The following EDIL3 variants were observed in gnomAD, a reference collection of about 807,000 sequenced individuals.
EDIL3 encodes EGF-like repeat and discoidin I-like domain-containing protein 3.
A neutral mutation model predicts 67.4 loss-of-function variants in EDIL3; 37 were observed. That is an observed-to-expected ratio of 0.55 (90% CI 0.42 to 0.72). The LOEUF is 0.72. Among genes scored for constraint, EDIL3 ranks in the 30% least tolerant of loss-of-function variants. The pLI is 0.00. For missense variants in EDIL3, 527 were observed against 586.3 expected (o/e 0.90, Z 1.04); for synonymous variants, 195 against 196.3 (o/e 0.99, Z 0.05).
chr5:84,225,782 T>C (rs1744439953), intron 3 of EDIL3, among the ~76,000 whole-genome samples: 1 of 151,544 alleles, frequency 6.6e-6, no homozygotes, highest in South Asian at 2.1e-4. Context: ...CCTAGATTTG[T>C]CATACAATAT....
chr5:84,279,882 C>T (rs1327837097), intron 1 of EDIL3, among the ~76,000 whole-genome samples: 1 of 152,154 alleles, frequency 6.6e-6, no homozygotes, highest in Non-Finnish European at 1.5e-5. Flanking sequence ...TCCTTTATTG[C>T]CAATGGACTG....
intron 7 of EDIL3, among the ~76,000 whole-genome samples, chr5:84,066,137 C>T (rs549798114): frequency 2.7e-5 from 4 of 147,600 alleles, no homozygotes; most frequent in South Asian, 2.1e-4. Flanking sequence ...AAAAAAAGTG[C>T]GTTAATCACG....
chr5:84,188,969 T>A (rs957551300), intron 3 of EDIL3, among the ~76,000 whole-genome samples: 1 of 152,078 alleles, frequency 6.6e-6, no homozygotes, highest in Admixed American at 6.6e-5. Context: ...GGGTTCCTGG[T>A]ATACCTGAAT....
chr5:83,975,475 A>C (rs1395403819), intron 9 of EDIL3, among the ~76,000 whole-genome samples: 3 of 151,950 alleles, frequency 2.0e-5, no homozygotes, highest in Non-Finnish European at 4.4e-5. Context: ...AAAACTTCTC[A>C]AGTTATAGTT....
intron 2 of EDIL3, among the ~76,000 whole-genome samples, chr5:84,241,809 G>T (rs1473294230): frequency 6.6e-6 from 1 of 151,936 alleles, no homozygotes; most frequent in African/African-American, 2.4e-5. Context: ...ATTTCTGCAT[G>T]TAGCTTTAAA....
chr5:84,203,789 A>G (rs190924604), intron 3 of EDIL3, among the ~76,000 whole-genome samples: 1 of 152,342 alleles, frequency 6.6e-6, no homozygotes, highest in Admixed American at 6.5e-5. Context: ...ACATTCCTCT[A>G]AGGAAAAATT....
intron 1 of EDIL3, among the ~76,000 whole-genome samples, chr5:84,282,850 G>A (rs574243509): frequency 8.2e-4 from 125 of 152,072 alleles, no homozygotes; most frequent in Middle Eastern, 3.4e-3. Flanking sequence ...CTTTGAGGAA[G>A]GTGAAATATG....
intron 1 of EDIL3, among the ~76,000 whole-genome samples, chr5:84,311,327 T>A (rs1478599852): frequency 6.7e-6 from 1 of 148,236 alleles, no homozygotes; most frequent in Non-Finnish European, 1.5e-5. Context: ...TTTTTTTCTT[T>A]TTTTTTTTTT....
Position 84,106,839 on chromosome 5 carries a change from A to T in EDIL3, c.470-9T>A. 1.3e-6 allele frequency: 2 copies of T among 1,586,002 alleles called. No homozygotes were observed. Among genetic ancestry groups the T allele is most frequent in the Non-Finnish European group, 1.7e-6 (2 of 1,169,568 alleles). On this transcript the variant is annotated splice_polypyrimidine_tract_variant and intron_variant, in intron 5 of 10. Coordinates refer to ENST00000296591, the MANE Select transcript of EDIL3 (RefSeq NM_005711.5). ...CAGTGGGCCTGAGCATTCTGGAAAC[A>T]AAAACAGGAAAAAATATGAATGTAT...
At chr5:84,082,367 C>T (rs77850046) in intron 6 of EDIL3, among the ~76,000 whole-genome samples, 1 of 152,110 alleles carries the variant, frequency 6.6e-6, no homozygotes, top group Non-Finnish European at 1.5e-5. Context: ...TATTTTTATG[C>T]ACTGATGATA....
chr5:84,023,264 T>A (rs1278059835), intron 9 of EDIL3, among the ~76,000 whole-genome samples: 1 of 151,868 alleles, frequency 6.6e-6, no homozygotes, highest in Non-Finnish European at 1.5e-5. Flanking sequence ...TTTTAAAATA[T>A]AAACAAAAAG....
chr5:84,284,197 A>C (rs1745763571), intron 1 of EDIL3, among the ~76,000 whole-genome samples: 1 of 152,074 alleles, frequency 6.6e-6, no homozygotes, highest in Non-Finnish European at 1.5e-5. Flanking sequence ...TAATTTGTCT[A>C]TTTTTAAAAC....
intron 4 of EDIL3, among the ~76,000 whole-genome samples, chr5:84,163,621 C>A (rs1001844625): frequency 6.6e-6 from 1 of 151,974 alleles, no homozygotes; most frequent in Non-Finnish European, 1.5e-5. Context: ...AACTTAAGAT[C>A]AAAATCAGCC....
chr5:84,054,211 A>G (rs1746399479), intron 9 of EDIL3, among the ~76,000 whole-genome samples: 1 of 152,222 alleles, frequency 6.6e-6, no homozygotes, highest in South Asian at 2.1e-4. Context: ...CAAAAACCAC[A>G]TGATTTTCTC....
chr5:84,200,782 G>A (rs10036389), intron 3 of EDIL3, among the ~76,000 whole-genome samples: 1 of 152,140 alleles, frequency 6.6e-6, no homozygotes, highest in African/African-American at 2.4e-5. Flanking sequence ...TCGATAGTAA[G>A]TAAACACTTT....
chr5:84,335,427 C>A (rs1387470733), intron 1 of EDIL3, among the ~76,000 whole-genome samples: 1 of 152,136 alleles, frequency 6.6e-6, no homozygotes, highest in African/African-American at 2.4e-5. Context: ...TTTTTATCCC[C>A]AGGGTTATTG....
chr5:84,051,785 G>A (rs1466149222), intron 9 of EDIL3, among the ~76,000 whole-genome samples: 1 of 152,150 alleles, frequency 6.6e-6, no homozygotes, highest in Non-Finnish European at 1.5e-5. Flanking sequence ...AACGAACAAA[G>A]CCTCCAAGAA....
At chr5:84,207,076 T>C (rs1206011642) in intron 3 of EDIL3, among the ~76,000 whole-genome samples, 1 of 152,158 alleles carries the variant, frequency 6.6e-6, no homozygotes, top group Non-Finnish European at 1.5e-5. Flanking sequence ...AAATAAAGTG[T>C]ATTCAATTAG....
At chr5:84,080,318 T>TAAAAAAAAAAAAAA (rs1746942344) in intron 6 of EDIL3, among the ~76,000 whole-genome samples, 1 of 82,944 alleles carries the variant, frequency 1.2e-5, no homozygotes, top group South Asian at 4.1e-4. Flanking sequence ...AAAAAAAAAT[T>TAAAAAAAAAAAAAA]AACTCAAATA....
Sources: gnomAD v4.1 joint callset for allele counts (sites outside exome capture counted in the v4.1 genomes callset) on GRCh38, gnomAD v4.1.1 for gene constraint, MANE v1.5 for transcripts, NCBI Gene and HGNC (gene_info 2026-07-23, HGNC 2026-07-21) for gene names.